PRPF8: variants seen among roughly 807,000 people sequenced by gnomAD.
PRPF8 encodes pre-mRNA processing factor 8, also known as pre-mRNA-processing-splicing factor 8.
PRPF8 carries 64 observed loss-of-function variants against 285.9 expected under a neutral mutation model. That is an observed-to-expected ratio of 0.22 (90% CI 0.18 to 0.28). The LOEUF is 0.28. Among genes scored for constraint, PRPF8 ranks in the 10% least tolerant of loss-of-function variants. The pLI is 1.00. For synonymous variants in PRPF8, 1,325 were observed against 1,118.2 expected (o/e 1.18, Z -3.69); for missense variants, 1,426 against 3,026.7 (o/e 0.47, Z 12.41).
chr17:1,675,411 A>G lies in PRPF8; in HGVS notation c.2873-72T>C, dbSNP rs1378943678. On this transcript the variant is annotated intron_variant, in intron 19 of 42. Coordinates refer to ENST00000304992, the MANE Select transcript of PRPF8 (RefSeq NM_006445.4). The surrounding 1 kb of genome is among the most constrained non-coding windows in gnomAD (Gnocchi z 6.0). The stretch of plus-strand genomic sequence containing the variant: ...CAAGACTAGCCCCACAGGAACTATC[A>G]TTACCTTCCATAACCAATCCCACTA... 9 of 1,551,026 alleles carry G rather than the reference A, an allele frequency of 5.8e-6. No individual in the cohort carries two copies. In the South Asian group the frequency reaches 7.8e-5, roughly 13 times the overall value.
intron 14 of PRPF8, 72 bp downstream of exon 14, chr17:1,677,493 A>C: frequency 6.2e-7 from 1 of 1,607,316 alleles, no homozygotes; most frequent in Non-Finnish European, 8.5e-7. Flanking sequence ...AAGAGCAGGG[A>C]ACAGACTCAA....
At position 1,673,671 on chromosome 17, in the gene PRPF8, C is replaced by T. The variant is rs997145666; in HGVS notation, c.3446+75G>A. ...ACAGCCACGCCTCTCCCACCCAGGA[C>T]GCAGCCTCAGGTATGCCCTCTCTGG... On this transcript the variant is annotated intron_variant, in intron 22 of 42. Transcript: ENST00000304992. This position sits in a 1 kb window ranked among gnomAD's most constrained non-coding sequence, Gnocchi z 5.5. 3.0e-5 allele frequency: 48 copies of T among 1,612,058 alleles called. 1 individual carries two copies. Among genetic ancestry groups the T allele is most frequent in the Middle Eastern group, 1.9e-4 (1 of 5,314 alleles).
In PRPF8 at chr17:1,679,522, T is replaced by A. The variant is rs1222602395; in HGVS notation, c.1289+87A>T. The A allele has an allele frequency of 2.3e-5, 37 of 1,582,900 alleles. No homozygotes were observed. The highest frequency in any genetic ancestry group is 1.3e-4 in the South Asian group (11 of 86,168). On this transcript the variant is annotated intron_variant, in intron 9 of 42. Transcript: ENST00000304992. This position sits in a 1 kb window ranked among gnomAD's most constrained non-coding sequence, Gnocchi z 4.7. ...TTATGGGAAAAAAAAAAAAAGAATTTAAAAAAAAGGCTACATGCCCACCTA... is the reference window on the plus strand; with the variant it reads ...TTATGGGAAAAAAAAAAAAAGAATTAAAAAAAAAGGCTACATGCCCACCTA...
At position 1,677,354 on chromosome 17, in the gene PRPF8, G is replaced by A. The variant is rs533596285; in HGVS notation, c.1985-182C>T. On this transcript the variant is annotated intron_variant, in intron 14 of 42. Transcript: ENST00000304992. The stretch of plus-strand genomic sequence containing the variant: ...AAACATTCACAACTATGCTTCTGAG[G>A]AATTTCCACTCCTGCAAATGCATGA... 4.2e-6 allele frequency: 4 copies of A among 959,640 alleles called. No individual in the cohort carries two copies. The Admixed American group carries it at 6.2e-5, about 15-fold the overall frequency. The allele number at this position is 959,640 out of a possible 1,614,324, so 59.4% of individuals were successfully genotyped here.
intron 13 of PRPF8, among the ~76,000 whole-genome samples, chr17:1,678,288 T>A (rs1391276909): frequency 6.7e-6 from 1 of 150,268 alleles, no homozygotes; most frequent in Non-Finnish European, 1.5e-5. Context: ...GTACTCCAGC[T>A]GGGGCAACAG....
Position 1,661,890 on chromosome 17 carries a change from T to C in PRPF8, c.4022+16A>G. 1.2e-6 allele frequency: 2 copies of C among 1,614,170 alleles called. No homozygotes were observed. Among genetic ancestry groups the C allele is most frequent in the East Asian group, 4.5e-5 (2 of 44,886 alleles). On this transcript the variant is annotated intron_variant, in intron 25 of 42. Coordinates refer to ENST00000304992, the MANE Select transcript of PRPF8 (RefSeq NM_006445.4). The surrounding 1 kb of genome is among the most constrained non-coding windows in gnomAD (Gnocchi z 7.3). ...CTGAGCAATAGGGTTTAGAAATACGTTGAACCAGGCTGTACCTGAGGTCGG... is the reference window on the plus strand; with the variant it reads ...CTGAGCAATAGGGTTTAGAAATACGCTGAACCAGGCTGTACCTGAGGTCGG...
In PRPF8 at chr17:1,683,577, G is replaced by A; in HGVS notation, c.225C>T (p.Asp75=). ...HVRKIIRDHG[D]MTNRKFRHDK... is the part of the protein sequence containing the mutation. ...CATGGCGGAACTTCCTGTTGGTCAT[G>A]TCTCCATGGTCTCGAATGATCTTCC... Residue 75 remains aspartate, a synonymous_variant, in exon 3 of 43, where the codon GAC becomes GAT. Transcript: ENST00000304992. 1 of 1,614,198 alleles carries A rather than the reference G, an allele frequency of 6.2e-7. No homozygotes were observed.
At chr17:1,665,852 A>T (rs1160102239) in intron 24 of PRPF8, among the ~76,000 whole-genome samples, 1 of 149,880 alleles carries the variant, frequency 6.7e-6, no homozygotes, top group Non-Finnish European at 1.5e-5. Context: ...TCTCAAAAAA[A>T]AAAAAAAAGA....
At chr17:1,680,120 C>G (rs140961304) in intron 8 of PRPF8, among the ~76,000 whole-genome samples, 2 of 152,114 alleles carry the variant, frequency 1.3e-5, no homozygotes, top group Non-Finnish European at 2.9e-5. Flanking sequence ...TTGGACACAA[C>G]GGAACACAGA....
At chr17:1,655,259 T>C (rs1911303216) in intron 37 of PRPF8, 91 bp downstream of exon 37, 2 of 1,483,240 alleles carry the variant, frequency 1.3e-6, no homozygotes, top group East Asian at 4.7e-5. Context: ...CGCCTGGCCT[T>C]CTTGAGAAAC....
In PRPF8 at chr17:1,659,271, C is replaced by T. The variant is rs1567678740; in HGVS notation, c.5138+86G>A. ...AAACTCCTGAGCTCAGACAATCTGC[C>T]CACCGCGGCCTCCCAAAGTGCTGGG... On this transcript the variant is annotated intron_variant, in intron 32 of 42. Transcript: ENST00000304992. This position sits in a 1 kb window ranked among gnomAD's most constrained non-coding sequence, Gnocchi z 5.1. 1 of 1,465,486 alleles carries T rather than the reference C, an allele frequency of 6.8e-7. No individual in the cohort carries two copies. The highest frequency in any genetic ancestry group is 1.1e-5 in the South Asian group (1 of 87,812). 90.8% of individuals were successfully genotyped at this position (1,465,486 alleles called of 1,614,324 possible).
rs773362324 is a variant in PRPF8 at position 1,653,606 on chromosome 17, T to A, written c.6305A>T (p.Tyr2102Phe). 6.2e-7 allele frequency: 1 copy of A among 1,614,174 alleles called. No individual in the cohort carries two copies. Among genetic ancestry groups the A allele is most frequent in the South Asian group, 1.1e-5 (1 of 91,086 alleles). The change falls in exon 39 of 43, where the codon TAC (tyrosine) becomes TTC (phenylalanine). Residue 2102 changes from tyrosine to phenylalanine, a missense_variant. Physicochemically the swap from Tyr to Phe is conservative, Grantham distance 22. Transcript: ENST00000304992. The surrounding 1 kb of genome is among the most constrained non-coding windows in gnomAD (Gnocchi z 4.9). ...VSSDDIKETG[Y>F]TYILPKNVLK... ...CACATTCTTGGGAAGGATGTAGGTG[T>A]AGCCAGTCTCCTTGATGTCGTCAGA...
chr17:1,681,383 A>G, intron 6 of PRPF8, 95 bp downstream of exon 6: 5 of 1,362,558 alleles, frequency 3.7e-6, no homozygotes, highest in Non-Finnish European at 2.1e-6. Flanking sequence ...CCTGGTGTAA[A>G]CAGACTAATT....
chr17:1,650,694 C>T lies in PRPF8; in HGVS notation c.*108G>A. ...TGACAAGCCATCAGGAGGTCAACAA[C>T]ACAAGCACAGACAGAGGGAAAGAGG... On this transcript the variant is annotated 3_prime_UTR_variant, in exon 43 of 43. Transcript: ENST00000304992. 7.4e-7 allele frequency: 1 copy of T among 1,348,480 alleles called. No homozygotes were observed. Among genetic ancestry groups the T allele is most frequent in the Non-Finnish European group, 1.1e-6 (1 of 942,932 alleles). 83.5% of individuals were successfully genotyped at this position (1,348,480 alleles called of 1,614,324 possible). A position where few individuals can be genotyped will look rare whatever the true frequency, so the allele number is the denominator to read the frequency against.
At chr17:1,683,402 A>C in intron 3 of PRPF8, 131 bp downstream of exon 3, 1 of 979,162 alleles carries the variant, frequency 1.0e-6, no homozygotes, top group South Asian at 1.3e-5. Context: ...ATTATCAGAG[A>C]CTCCTACTGG....
chr17:1,671,707 C>T (rs370783555), intron 24 of PRPF8, among the ~76,000 whole-genome samples: 5 of 152,026 alleles, frequency 3.3e-5, no homozygotes, highest in South Asian at 2.1e-4. Context: ...AAAACTTAGC[C>T]GGGCGTGGTG....
intron 37 of PRPF8, chr17:1,655,057 A>G: frequency 2.5e-6 from 1 of 397,412 alleles, no homozygotes. Context: ...CCCCAGGTTC[A>G]AGCAATTCTC....
chr17:1,670,573 G>A (rs113215790), intron 24 of PRPF8, among the ~76,000 whole-genome samples: 2 of 151,462 alleles, frequency 1.3e-5, no homozygotes, highest in Non-Finnish European at 1.5e-5. Context: ...TGCAACCTCC[G>A]CCTCCCGGGT....
chr17:1,672,202 G>A (rs1473392210), intron 24 of PRPF8, among the ~76,000 whole-genome samples: 1 of 152,188 alleles, frequency 6.6e-6, no homozygotes, highest in Non-Finnish European at 1.5e-5. Flanking sequence ...CACATTTAGA[G>A]ATATGAAGGT....
Sources: gnomAD v4.1 joint callset for allele counts (sites outside exome capture counted in the v4.1 genomes callset) on GRCh38, gnomAD v4.1.1 for gene constraint, Gnocchi (gnomAD v3.1) non-coding constraint, MANE v1.5 for transcripts, NCBI Gene and HGNC (gene_info 2026-07-23, HGNC 2026-07-21) for gene names.